Variants in RCN1 observed in about 807,000 individuals in gnomAD.
RCN1 encodes reticulocalbin-1.
Under a neutral mutation model 34.7 loss-of-function variants are expected in RCN1, and 14 were observed. The ratio of observed to expected loss-of-function variants is 0.40; its 90% confidence interval spans 0.27 to 0.63. The LOEUF (loss-of-function observed/expected upper bound fraction) is 0.63, where lower values mean the gene tolerates loss of function less well. Ranked by LOEUF, RCN1 falls within the 30% of genes least tolerant of loss-of-function variation. The probability of loss-of-function intolerance (pLI) is 0.37; values close to 1 mark genes in which losing one functional copy is unlikely to be tolerated. For missense variants in RCN1, 326 were observed against 425.1 expected, an observed-to-expected ratio of 0.77 and a Z score of 2.05; for synonymous variants, 125 against 165.5, an observed-to-expected ratio of 0.76 and a Z score of 1.88.
At chr11:32,103,841 G>A (rs1852076318) in intron 5 of RCN1, among the ~76,000 whole-genome samples, 1 of 152,170 alleles carries the variant, frequency 6.6e-6, no homozygotes, top group Non-Finnish European at 1.5e-5. Flanking sequence ...CATCTGTGAG[G>A]TGTCAGGAAC....
intron 3 of RCN1, 127 bp from the exon 4 acceptor site, chr11:32,100,421 G>A: frequency 2.8e-6 from 2 of 727,168 alleles, no homozygotes; most frequent in East Asian, 5.3e-5. Context: ...TCCCAGGGAA[G>A]TAAGGCGATG....
intron 1 of RCN1, 162 bp downstream of exon 1, chr11:32,091,612 G>A (rs1180067188): frequency 2.3e-6 from 2 of 880,874 alleles, no homozygotes; most frequent in Admixed American, 4.0e-5. Flanking sequence ...AGGCTAACTT[G>A]CTGGAGGGCC....
chr11:32,095,133 G>A (rs1851958452), intron 1 of RCN1, among the ~76,000 whole-genome samples: 1 of 152,136 alleles, frequency 6.6e-6, no homozygotes, highest in Non-Finnish European at 1.5e-5. Context: ...TCAGAGCAGT[G>A]CTTGGCACAT....
At chr11:32,091,574 G>C in intron 1 of RCN1, 124 bp downstream of exon 1, 1 of 1,280,008 alleles carries the variant, frequency 7.8e-7, no homozygotes, top group East Asian at 2.9e-5. Flanking sequence ...TCGAGGATGG[G>C]GCCCTGCCCA....
intron 4 of RCN1, 133 bp from the exon 5 acceptor site, chr11:32,103,148 C>T: frequency 1.4e-6 from 1 of 723,908 alleles, no homozygotes; most frequent in South Asian, 1.7e-5. Context: ...AGCTGCCTAC[C>T]AGCTGTTTGA....
At chr11:32,101,071 A>T (rs1279298377) in intron 4 of RCN1, among the ~76,000 whole-genome samples, 1 of 152,230 alleles carries the variant, frequency 6.6e-6, no homozygotes, top group Admixed American at 6.5e-5. Flanking sequence ...GCAGAAAGGC[A>T]TTCTTCTTAG....
Position 32,104,522 on chromosome 11 carries a change from C to T in RCN1, c.*50C>T. 3.0e-6 allele frequency: 3 copies of T among 993,868 alleles called. No homozygotes were observed. Among genetic ancestry groups the T allele is most frequent in the Non-Finnish European group, 4.7e-6 (3 of 632,518 alleles). 61.6% of individuals were successfully genotyped at this position (993,868 alleles called of 1,614,324 possible). A position where few individuals can be genotyped will look rare whatever the true frequency, so the allele number is the denominator to read the frequency against. ...ACTGTCATAGGCATTCTGTTATTGT[C>T]TTGGATTGTTGCTACAATTGTCTAA... On this transcript the variant is annotated 3_prime_UTR_variant, in exon 6 of 6. Coordinates refer to ENST00000054950, the MANE Select transcript of RCN1 (RefSeq NM_002901.4).
intron 4 of RCN1, chr11:32,102,809 G>T (rs549778947): frequency 3.0e-6 from 1 of 328,240 alleles, no homozygotes; most frequent in East Asian, 9.6e-5. Context: ...TTGTAAGGCT[G>T]TTATGTGAAA....
At chr11:32,103,920 T>C (rs990326735) in intron 5 of RCN1, among the ~76,000 whole-genome samples, 5 of 152,260 alleles carry the variant, frequency 3.3e-5, no homozygotes, top group African/African-American at 9.6e-5. Context: ...TAATGCCTAG[T>C]ACTTCGGTAT....
At chr11:32,101,550 C>T (rs1463317352) in intron 4 of RCN1, among the ~76,000 whole-genome samples, 3 of 152,134 alleles carry the variant, frequency 2.0e-5, no homozygotes, top group Non-Finnish European at 4.4e-5. Flanking sequence ...CTTTGCCATC[C>T]CAGACACGAG....
At chr11:32,091,629 C>A in intron 1 of RCN1, 179 bp downstream of exon 1, 1 of 770,478 alleles carries the variant, frequency 1.3e-6, no homozygotes, top group Non-Finnish European at 1.9e-6. Context: ...GGCCCCGGGA[C>A]CCCAGCTTGG....
Position 32,091,169 on chromosome 11 carries a change from C to T in RCN1, c.-28C>T. 1 of 1,400,410 alleles carries T rather than the reference C, an allele frequency of 7.1e-7. No individual in the cohort carries two copies. The highest frequency in any genetic ancestry group is 1.6e-5 in the South Asian group (1 of 61,648). The allele number at this position is 1,400,410 out of a possible 1,614,324, so 86.7% of individuals were successfully genotyped here. On this transcript the variant is annotated 5_prime_UTR_variant, in exon 1 of 6. Transcript: ENST00000054950. Reference sequence around the variant, plus strand: ...CGCTGTTGTCGCTCGCTCAGCGTCTCCCTCTCGGCCGCCCTCTCCTCGGGA... The same window carrying T: ...CGCTGTTGTCGCTCGCTCAGCGTCTTCCTCTCGGCCGCCCTCTCCTCGGGA...
At position 32,098,340 on chromosome 11, in the gene RCN1, C is replaced by A; in HGVS notation, c.449-10C>A. ...GTTTAAAAACATTTCTGCATACATA[C>A]ATCCTGCAGGAAACCCCGCAGAGTT... On this transcript the variant is annotated splice_polypyrimidine_tract_variant and intron_variant, in intron 2 of 5. Coordinates refer to ENST00000054950, the MANE Select transcript of RCN1 (RefSeq NM_002901.4). The A allele has an allele frequency of 1.2e-6, 2 of 1,605,086 alleles. No homozygotes were observed. The highest frequency in any genetic ancestry group is 2.2e-5 in the South Asian group (2 of 89,210).
intron 5 of RCN1, among the ~76,000 whole-genome samples, chr11:32,103,681 G>A (rs1301979609): frequency 6.6e-6 from 1 of 152,146 alleles, no homozygotes; most frequent in African/African-American, 2.4e-5. Flanking sequence ...CAACTTTCCT[G>A]GAAAGTCAGC....
chr11:32,099,705 G>A (rs1656925935), intron 3 of RCN1, among the ~76,000 whole-genome samples: 1 of 152,220 alleles, frequency 6.6e-6, no homozygotes, highest in African/African-American at 2.4e-5. Context: ...GAAACAGATG[G>A]CTAGAGCTTT....
At chr11:32,091,815 T>G in intron 1 of RCN1, 3 of 261,406 alleles carry the variant, frequency 1.1e-5, no homozygotes, top group Admixed American at 6.0e-5. Context: ...GTGCCATGAG[T>G]TCCTCCCCAC....
chr11:32,101,732 A>T (rs1363674926), intron 4 of RCN1, among the ~76,000 whole-genome samples: 1 of 152,168 alleles, frequency 6.6e-6, no homozygotes, highest in Non-Finnish European at 1.5e-5. Flanking sequence ...ACATATGCTG[A>T]CAGCTCCCTC....
chr11:32,101,019 G>A (rs141796953), intron 4 of RCN1, among the ~76,000 whole-genome samples: 1 of 152,354 alleles, frequency 6.6e-6, no homozygotes, highest in East Asian at 1.9e-4. Flanking sequence ...CTGAGTAGAT[G>A]CAGCTGTGAT....
At position 32,095,156 on chromosome 11, in the gene RCN1, C is replaced by T. The variant is rs569402483; in HGVS notation, c.255-1988C>T. 9.9e-5 allele frequency among the ~76,000 whole-genome samples: 15 copies of T among 152,282 alleles called. 1 individual carries two copies. In the South Asian group the frequency reaches 1.2e-3, roughly 13 times the overall value. On this transcript the variant is annotated intron_variant, in intron 1 of 5. Coordinates refer to ENST00000054950, the MANE Select transcript of RCN1 (RefSeq NM_002901.4). ...GTGCTTGGCACATAACTGGGCTCAACACTGCACAATGTTAAAAGAATTCTG... is the reference window on the plus strand; with the variant it reads ...GTGCTTGGCACATAACTGGGCTCAATACTGCACAATGTTAAAAGAATTCTG...
Sources: gnomAD v4.1 joint callset for allele counts (sites outside exome capture counted in the v4.1 genomes callset) on GRCh38, gnomAD v4.1.1 for gene constraint, MANE v1.5 for transcripts, NCBI Gene and HGNC (gene_info 2026-07-23, HGNC 2026-07-21) for gene names.